DCAF8L2: variants seen among roughly 807,000 people sequenced by gnomAD.
DCAF8L2 encodes DDB1 and CUL4 associated factor 8 like 2.
For missense variants in DCAF8L2, 430 were observed against 490.7 expected, an observed-to-expected ratio of 0.88 and a Z score of 1.17; for synonymous variants, 200 against 190.9, an observed-to-expected ratio of 1.05 and a Z score of -0.39.
At chrX:27,600,842 G>A (rs1019970526) in intron 1 of DCAF8L2, among the ~76,000 whole-genome samples, 6 of 111,949 alleles carry the variant, frequency 5.4e-5, no homozygotes, top group African/African-American at 1.9e-4. Context: ...AAATAGTGAA[G>A]GAATATGTCA....
At chrX:27,575,929 G>T in the DCAF8L2 span, among the ~76,000 whole-genome samples, 1 of 111,875 alleles carries the variant, frequency 8.9e-6, no homozygotes, top group Non-Finnish European at 1.9e-5. Context: ...ACACTGGATT[G>T]TACCTTAATA....
At chrX:27,525,676 CT>C in the DCAF8L2 span, among the ~76,000 whole-genome samples, 11 of 111,447 alleles carry the variant, frequency 9.9e-5, no homozygotes, top group East Asian at 3.1e-3. Context: ...CCAGTTTTTC[CT>C]TTCTATGTTT....
chrX:27,492,711 C>T, the DCAF8L2 span, among the ~76,000 whole-genome samples: 488 of 111,170 alleles, frequency 4.4e-3, no homozygotes, highest in Non-Finnish European at 8.1e-3. Flanking sequence ...GAACTTCGGA[C>T]CTCAGGTGAT....
chrX:27,607,270 G>C (rs970308316), intron 1 of DCAF8L2, among the ~76,000 whole-genome samples: 2 of 111,619 alleles, frequency 1.8e-5, no homozygotes, highest in Admixed American at 9.6e-5. Flanking sequence ...AAATAATGTG[G>C]GTTTGGTTCT....
At chrX:27,482,958 T>A in the DCAF8L2 span, among the ~76,000 whole-genome samples, 1 of 111,593 alleles carries the variant, frequency 9.0e-6, no homozygotes, top group African/African-American at 3.2e-5. Flanking sequence ...TGTTTGCTTG[T>A]GTGTTTTTTT....
At chrX:27,711,425 A>G (rs376902471) in intron 3 of DCAF8L2, among the ~76,000 whole-genome samples, 2 of 93,903 alleles carry the variant, frequency 2.1e-5, no homozygotes, top group African/African-American at 8.0e-5. Flanking sequence ...GTGTGTGTGT[A>G]TTATATATAT....
chrX:27,591,018 T>C (rs2147106244), intron 1 of DCAF8L2, among the ~76,000 whole-genome samples: 1 of 98,459 alleles, frequency 1.0e-5, no homozygotes, highest in South Asian at 5.0e-4. Context: ...TATATATAAA[T>C]AAATAATTTG....
At chrX:27,715,133 C>T (rs1041444098) in intron 3 of DCAF8L2, among the ~76,000 whole-genome samples, 1 of 110,296 alleles carries the variant, frequency 9.1e-6, no homozygotes, top group African/African-American at 3.3e-5. Flanking sequence ...TGGCTCATGC[C>T]TGTAATCCCA....
the DCAF8L2 span, among the ~76,000 whole-genome samples, chrX:27,571,848 C>T: frequency 9.0e-5 from 10 of 110,931 alleles, no homozygotes; most frequent in East Asian, 2.9e-3. Flanking sequence ...AGTGATCCTG[C>T]CAAGTTGGTA....
At chrX:27,723,947 AAAAC>A (rs1931987205) in intron 4 of DCAF8L2, among the ~76,000 whole-genome samples, 1 of 111,182 alleles carries the variant, frequency 9.0e-6, no homozygotes, top group Middle Eastern at 4.2e-3. Context: ...TAGAGTAAAA[AAAAC>A]AAGATAAAAT....
At chrX:27,552,745 G>T in the DCAF8L2 span, among the ~76,000 whole-genome samples, 12 of 111,527 alleles carry the variant, frequency 1.1e-4, no homozygotes, top group Non-Finnish European at 1.9e-4. Context: ...TTCCAGCTTT[G>T]TTCTCTTTGC....
chrX:27,473,357 T>C, the DCAF8L2 span, among the ~76,000 whole-genome samples: 6 of 111,936 alleles, frequency 5.4e-5, no homozygotes, highest in Admixed American at 3.8e-4. Flanking sequence ...GACCTGTGGG[T>C]ATGAAGATGT....
chrX:27,707,408 G>T (rs1046946115), intron 3 of DCAF8L2, among the ~76,000 whole-genome samples: 2 of 111,413 alleles, frequency 1.8e-5, no homozygotes, highest in Non-Finnish European at 3.8e-5. Flanking sequence ...TTGGATAAAT[G>T]GGTAGATGGC....
chrX:27,694,551 A>C (rs1930827325), intron 3 of DCAF8L2, among the ~76,000 whole-genome samples: 1 of 110,827 alleles, frequency 9.0e-6, no homozygotes, highest in African/African-American at 3.3e-5. Flanking sequence ...CATATGTGAA[A>C]GATGATGTTA....
chrX:27,508,759 G>A, the DCAF8L2 span, among the ~76,000 whole-genome samples: 1 of 104,902 alleles, frequency 9.5e-6, no homozygotes, highest in Non-Finnish European at 1.9e-5. Flanking sequence ...CAGTGGCTCT[G>A]AAGTCTCTTC....
At chrX:27,587,956 G>C (rs1925934713), upstream of DCAF8L2, among the ~76,000 whole-genome samples, 1 of 73,782 alleles carries the variant, frequency 1.4e-5, no homozygotes, top group African/African-American at 5.4e-5. Context: ...TATTACTGAA[G>C]TGACTTCAGT....
At position 27,635,786 on chromosome X, in the gene DCAF8L2, C is replaced by CGTGTGTGTGTGTGT. The variant is rs754830405; in HGVS notation, c.-220+3818_-220+3831dup. On this transcript the variant is annotated intron_variant, in intron 2 of 4. Coordinates refer to ENST00000451261, the MANE Select transcript of DCAF8L2 (RefSeq NM_001353450.2). ...AACGTATGAAAGCAATTTCCTTTTA[C>CGTGTGTGTGTGTGT]GTGTGTGTGTGTGTGTGTGTGTGTG... Among the ~76,000 whole-genome samples the CGTGTGTGTGTGTGT allele has an allele frequency of 4.9e-4, 44 of 90,408 alleles. 1 individual carries two copies. Among genetic ancestry groups the CGTGTGTGTGTGTGT allele is most frequent in the African/African-American group, 1.8e-3 (43 of 23,289 alleles). 78.5% of individuals were successfully genotyped at this position (90,408 alleles called of 115,157 possible).
rs777646369 is a variant in DCAF8L2 at position 27,660,786 on chromosome X, C to T, written c.-219-17050C>T. Among the ~76,000 whole-genome samples the T allele has an allele frequency of 4.5e-5, 5 of 111,906 alleles. No individual in the cohort carries two copies. The South Asian group carries it at 1.1e-3, about 25-fold the overall frequency. ...CCCCAGGCAGGCAAGTCTCAGGTGC[C>T]GGGGAGCATGTACTTTAGTTCCCTG... On this transcript the variant is annotated intron_variant, in intron 2 of 4. Coordinates refer to ENST00000451261, the MANE Select transcript of DCAF8L2 (RefSeq NM_001353450.2).
At chrX:27,502,329 AAAAAAAATATAT>A in the DCAF8L2 span, among the ~76,000 whole-genome samples, 1 of 32,111 alleles carries the variant, frequency 3.1e-5, no homozygotes, top group African/African-American at 1.3e-4. Context: ...AAAAAAAAAA[AAAAAAAATATAT>A]ATATATATAT....
Sources: gnomAD v4.1 joint callset for allele counts (sites outside exome capture counted in the v4.1 genomes callset) on GRCh38, gnomAD v4.1.1 for gene constraint, MANE v1.5 for transcripts, NCBI Gene and HGNC (gene_info 2026-07-23, HGNC 2026-07-21) for gene names.